Variants in CCSER1 observed in about 807,000 individuals in gnomAD.
The protein encoded by CCSER1 is coiled-coil serine rich protein 1, also known as serine-rich coiled-coil domain-containing protein 1.
CCSER1 carries 41 observed loss-of-function variants against 82.0 expected under a neutral mutation model. The ratio of observed to expected loss-of-function variants is 0.50; its 90% CI spans 0.39 to 0.65. The LOEUF (loss-of-function observed/expected upper bound fraction) is 0.65, where lower values mean the gene tolerates loss of function less well. CCSER1 is among the 30% of genes least tolerant of loss of function. The probability of loss-of-function intolerance (pLI) is 0.00; values close to 1 mark genes in which losing one functional copy is unlikely to be tolerated. For synonymous variants in CCSER1, 414 were observed against 383.9 expected (o/e 1.08, Z -0.92); for missense variants, 1,119 against 1,064.2 (o/e 1.05, Z -0.72).
rs921687654 is a variant in CCSER1, at chr4:91,202,897, G to T, written c.2217+116903G>T. 1.9e-4 allele frequency among the ~76,000 whole-genome samples: 15 copies of T among 79,214 alleles called. No homozygotes were observed. The Admixed American group carries it at 2.0e-3, about 11-fold the overall frequency. 52.0% of individuals were successfully genotyped at this position (79,214 alleles called of 152,430 possible). ...TCCAACATTGTTTTTCAGGATTTAT[G>T]ATTTCTTTTTCATCTTATTAATATG... On this transcript the variant is annotated intron_variant, in intron 10 of 10. Coordinates refer to ENST00000509176, the MANE Select transcript of CCSER1 (RefSeq NM_001145065.2).
intron 10 of CCSER1, among the ~76,000 whole-genome samples, chr4:91,434,461 C>A (rs2149397070): frequency 6.6e-6 from 1 of 151,964 alleles, no homozygotes; most frequent in Non-Finnish European, 1.5e-5. Flanking sequence ...AGAAGCCTAA[C>A]AAAAGCAATA....
chr4:90,682,290 C>G (rs1302263262), intron 6 of CCSER1, among the ~76,000 whole-genome samples: 5 of 151,804 alleles, frequency 3.3e-5, no homozygotes, highest in Admixed American at 1.3e-4. Flanking sequence ...AAAAGACACT[C>G]ATTAGACTTA....
intron 10 of CCSER1, among the ~76,000 whole-genome samples, chr4:91,350,213 A>G (rs1348666821): frequency 6.6e-6 from 1 of 152,094 alleles, no homozygotes; most frequent in South Asian, 2.1e-4. Flanking sequence ...TTCTGTATTA[A>G]ATTGAATTTG....
At chr4:90,358,002 TA>T (rs990345364) in intron 3 of CCSER1, among the ~76,000 whole-genome samples, 8 of 151,774 alleles carry the variant, frequency 5.3e-5, no homozygotes, top group East Asian at 1.9e-4. Context: ...ATAAAGTCCC[TA>T]AAAAAAATAT....
intron 10 of CCSER1, among the ~76,000 whole-genome samples, chr4:91,407,540 G>A (rs920066727): frequency 2.6e-5 from 4 of 152,118 alleles, no homozygotes; most frequent in Non-Finnish European, 5.9e-5. Flanking sequence ...AACACTTGAA[G>A]CCAAGTAATT....
chr4:91,519,446 C>A (rs1760328244), intron 10 of CCSER1, among the ~76,000 whole-genome samples: 1 of 152,214 alleles, frequency 6.6e-6, no homozygotes, highest in African/African-American at 2.4e-5. Flanking sequence ...GCAGTGGAAT[C>A]AAGTCATGCA....
chr4:91,459,153 G>C (rs1400655411), intron 10 of CCSER1, among the ~76,000 whole-genome samples: 1 of 150,120 alleles, frequency 6.7e-6, no homozygotes, highest in African/African-American at 2.5e-5. Context: ...TTTAAAAACA[G>C]AAATTCTATA....
At chr4:90,945,225 G>C (rs1317234248) in intron 9 of CCSER1, among the ~76,000 whole-genome samples, 3 of 151,970 alleles carry the variant, frequency 2.0e-5, no homozygotes. Flanking sequence ...ACTACAAAAA[G>C]AGAAGAGCCA....
At chr4:90,597,017 A>G (rs1324242188) in intron 5 of CCSER1, among the ~76,000 whole-genome samples, 1 of 151,984 alleles carries the variant, frequency 6.6e-6, no homozygotes, top group South Asian at 2.1e-4. Flanking sequence ...AATTATTCTC[A>G]GTCATGATTA....
intron 10 of CCSER1, among the ~76,000 whole-genome samples, chr4:91,149,583 G>T (rs2148948949): frequency 6.6e-6 from 1 of 152,252 alleles, no homozygotes; most frequent in Non-Finnish European, 1.5e-5. Context: ...TATTGCCTAG[G>T]TTTTCTGCTA....
chr4:91,331,232 T>C (rs565625614), intron 10 of CCSER1, among the ~76,000 whole-genome samples: 1 of 152,304 alleles, frequency 6.6e-6, no homozygotes, highest in East Asian at 1.9e-4. Flanking sequence ...CAATTTTTTA[T>C]TGCTATTTCT....
intron 10 of CCSER1, among the ~76,000 whole-genome samples, chr4:91,565,496 G>A (rs1762846299): frequency 6.6e-6 from 1 of 152,036 alleles, no homozygotes; most frequent in Non-Finnish European, 1.5e-5. Flanking sequence ...AGGCAGAAAA[G>A]CCATTTTAAA....
intron 3 of CCSER1, among the ~76,000 whole-genome samples, chr4:90,365,908 A>G (rs1050373013): frequency 5.3e-5 from 8 of 151,918 alleles, no homozygotes; most frequent in African/African-American, 1.9e-4. Context: ...TCCTTCTAGC[A>G]TATTATTGTA....
At chr4:90,671,175 T>C (rs567114424) in intron 6 of CCSER1, among the ~76,000 whole-genome samples, 1 of 152,174 alleles carries the variant, frequency 6.6e-6, no homozygotes, top group East Asian at 1.9e-4. Context: ...ATAAGGGTGA[T>C]GGCTACTGAA....
intron 10 of CCSER1, among the ~76,000 whole-genome samples, chr4:91,226,823 A>G (rs1257389726): frequency 9.2e-5 from 14 of 151,896 alleles, no homozygotes; most frequent in Admixed American, 7.2e-4. Context: ...AATGGTTTAG[A>G]GCATTATATA....
chr4:91,092,102 T>C (rs1043312711), intron 10 of CCSER1, among the ~76,000 whole-genome samples: 2 of 152,180 alleles, frequency 1.3e-5, no homozygotes, highest in African/African-American at 2.4e-5. Context: ...GTATCCATTT[T>C]AATCCTGTCT....
intron 4 of CCSER1, among the ~76,000 whole-genome samples, chr4:90,457,303 A>G (rs2089780): frequency 0.024 from 3,700 of 152,166 alleles, 144 homozygotes; most frequent in African/African-American, 0.085. Flanking sequence ...CTCCCCAAAG[A>G]GCCTCAACTT....
intron 9 of CCSER1, among the ~76,000 whole-genome samples, chr4:90,997,453 T>C (rs1004135964): frequency 6.6e-6 from 1 of 152,154 alleles, no homozygotes. Flanking sequence ...GGTTCTTAAT[T>C]TGATCACTTA....
intron 9 of CCSER1, among the ~76,000 whole-genome samples, chr4:90,998,073 T>C (rs1441866156): frequency 2.0e-5 from 3 of 152,200 alleles, no homozygotes; most frequent in Admixed American, 2.0e-4. Context: ...TTTTATTTTA[T>C]TTTATTTTAT....
Sources: gnomAD v4.1 joint callset for allele counts (sites outside exome capture counted in the v4.1 genomes callset) on GRCh38, gnomAD v4.1.1 for gene constraint, MANE v1.5 for transcripts, NCBI Gene and HGNC (gene_info 2026-07-23, HGNC 2026-07-21) for gene names.